PCDHA10: variants seen among roughly 807,000 people sequenced by gnomAD.
PCDHA10 encodes protocadherin alpha 10.
Under a neutral mutation model 61.2 loss-of-function variants are expected in PCDHA10, and 45 were observed. The observed-to-expected ratio is 0.74, with a 90% CI of 0.58 to 0.94. PCDHA10 has a LOEUF of 0.94. Among genes scored for constraint, PCDHA10 ranks in the 40% least tolerant of loss-of-function variants. PCDHA10 has a pLI of 0.00. For missense variants in PCDHA10, 1,278 were observed against 1,236.2 expected, an observed-to-expected ratio of 1.03 and a Z score of -0.51; for synonymous variants, 602 against 548.8, an observed-to-expected ratio of 1.10 and a Z score of -1.35.
chr5:140,955,677 G>A (rs989922322), intron 1 of PCDHA10, among the ~76,000 whole-genome samples: 6 of 151,960 alleles, frequency 3.9e-5, no homozygotes, highest in African/African-American at 1.2e-4. Context: ...TAGTTTTTTC[G>A]AAATCTGTGA....
At chr5:140,979,054 A>G (rs782082075) in intron 2 of PCDHA10, 47 bp downstream of exon 2, 6 of 1,607,592 alleles carry the variant, frequency 3.7e-6, no homozygotes, top group Non-Finnish European at 4.3e-6. Flanking sequence ...TTAACTTGGT[A>G]TGGCTCAGAT....
chr5:140,981,981 A>G (rs2096960839), intron 2 of PCDHA10, among the ~76,000 whole-genome samples: 1 of 152,208 alleles, frequency 6.6e-6, no homozygotes, highest in Non-Finnish European at 1.5e-5. Flanking sequence ...GAAAGAGTAA[A>G]ATAGAAAATA....
At chr5:140,913,384 C>T (rs1018271300) in intron 1 of PCDHA10, among the ~76,000 whole-genome samples, 1 of 152,144 alleles carries the variant, frequency 6.6e-6, no homozygotes, top group Non-Finnish European at 1.5e-5. Flanking sequence ...AGTGGCTCAT[C>T]ATAGCCACTA....
rs782638942 is a variant in PCDHA10, at chr5:140,876,442, G to T, written c.2388+18006G>T. The T allele has an allele frequency of 1.5e-5, 25 of 1,613,894 alleles. 1 individual carries two copies. The South Asian group carries it at 2.7e-4, about 18-fold the overall frequency. The stretch of plus-strand genomic sequence containing the variant: ...CTATGAAATTCAGGTTAACGCCATT[G>T]ATAAAGGGATTCCTTCCATGGCAGG... On this transcript the variant is annotated intron_variant, in intron 1 of 3. Coordinates refer to ENST00000307360, the MANE Select transcript of PCDHA10 (RefSeq NM_018901.4).
intron 1 of PCDHA10, among the ~76,000 whole-genome samples, chr5:140,919,697 A>G (rs1395748776): frequency 1.3e-5 from 2 of 152,188 alleles, no homozygotes; most frequent in Non-Finnish European, 2.9e-5. Flanking sequence ...GATTTATATT[A>G]ACTTAATTCT....
intron 1 of PCDHA10, chr5:140,862,359 CG>C: frequency 3.0e-6 from 1 of 337,856 alleles, no homozygotes; most frequent in Non-Finnish European, 5.8e-6. Flanking sequence ...AAGGGACAGA[CG>C]ACCCGCACCC....
chr5:140,929,992 C>T (rs1015837723), intron 1 of PCDHA10: 7 of 152,300 alleles, frequency 4.6e-5, no homozygotes, highest in East Asian at 1.9e-4. Flanking sequence ...TTGGGAATGA[C>T]ACCCTAAAAC....
intron 3 of PCDHA10, among the ~76,000 whole-genome samples, chr5:141,000,510 C>G (rs1197965439): frequency 5.6e-5 from 8 of 143,864 alleles, no homozygotes; most frequent in South Asian, 4.5e-4. Context: ...TCACTGCAAC[C>G]TCCTTCTCCA....
intron 1 of PCDHA10, among the ~76,000 whole-genome samples, chr5:140,903,398 T>C (rs1011557575): frequency 1.3e-5 from 2 of 152,204 alleles, no homozygotes; most frequent in Admixed American, 1.3e-4. Context: ...CTAGAAACAG[T>C]AGTGCAGTCA....
chr5:140,869,813 A>G, intron 1 of PCDHA10: 2 of 1,612,416 alleles, frequency 1.2e-6, no homozygotes, highest in Non-Finnish European at 1.7e-6. Context: ...GATGTCAACG[A>G]CAATGATCCA....
intron 1 of PCDHA10, chr5:140,877,432 C>T: frequency 6.2e-7 from 1 of 1,613,874 alleles, no homozygotes; most frequent in Non-Finnish European, 8.5e-7. Flanking sequence ...GGTGAAGGAC[C>T]ACGGTGAGCC....
Position 140,856,458 on chromosome 5 carries a change from A to G in PCDHA10, c.410A>G (p.Gln137Arg). ...DNPPRFSVTE[Q>R]KLSIPESRLL... is the part of the protein sequence containing the mutation. Reference sequence around the variant, plus strand: ...CCGCCCAGGTTCTCCGTAACAGAACAAAAGCTCTCAATACCTGAATCCAGA... The same window carrying G: ...CCGCCCAGGTTCTCCGTAACAGAACGAAAGCTCTCAATACCTGAATCCAGA... The change falls in exon 1 of 4, where the codon CAA (glutamine) becomes CGA (arginine). Residue 137 changes from glutamine to arginine, a missense_variant. Gln to Arg is a conservative substitution (Grantham distance 43). Coordinates refer to ENST00000307360, the MANE Select transcript of PCDHA10 (RefSeq NM_018901.4). The G allele has an allele frequency of 6.3e-7, 1 of 1,598,416 alleles. No homozygotes were observed. Among genetic ancestry groups the G allele is most frequent in the South Asian group, 1.1e-5 (1 of 90,530 alleles).
chr5:140,966,978 G>T lies in PCDHA10; in HGVS notation c.2389-11971G>T, dbSNP rs782662616. The stretch of plus-strand genomic sequence containing the variant: ...CGCGCGCTGGGGCTTGAGCTGCGGC[G>T]CTTGGGGCCGGGTTGCTTGCGCATC... On this transcript the variant is annotated intron_variant, in intron 1 of 3. Transcript: ENST00000307360. 3.1e-6 allele frequency: 5 copies of T among 1,603,218 alleles called. No homozygotes were observed. In the African/African-American group the frequency reaches 5.3e-5, roughly 17 times the overall value.
intron 1 of PCDHA10, chr5:140,876,440 T>G (rs369023443): frequency 3.7e-6 from 6 of 1,613,994 alleles, no homozygotes; most frequent in Admixed American, 1.7e-5. Flanking sequence ...GTTAACGCCA[T>G]TGATAAAGGG....
intron 1 of PCDHA10, among the ~76,000 whole-genome samples, chr5:140,926,146 G>T (rs553563976): frequency 6.6e-5 from 10 of 152,056 alleles, no homozygotes; most frequent in Non-Finnish European, 1.3e-4. Context: ...GATCCAGCGC[G>T]GAAAGCTCTG....
chr5:140,958,035 T>G (rs1284725890), intron 1 of PCDHA10, among the ~76,000 whole-genome samples: 2 of 152,120 alleles, frequency 1.3e-5, no homozygotes, highest in African/African-American at 4.8e-5. Context: ...ATGCTTTCTT[T>G]GCTTGTGATA....
intron 1 of PCDHA10, among the ~76,000 whole-genome samples, chr5:140,894,474 T>C (rs1333675195): frequency 6.6e-6 from 1 of 152,022 alleles, no homozygotes; most frequent in Non-Finnish European, 1.5e-5. Flanking sequence ...TTATTCTTGT[T>C]TTCATCTTAT....
chr5:140,866,967 C>T (rs1315852276), intron 1 of PCDHA10: 7 of 152,134 alleles, frequency 4.6e-5, no homozygotes, highest in African/African-American at 1.7e-4. Context: ...ATGGTGACAT[C>T]TGAAATATCA....
rs377029109 is a variant in PCDHA10, at chr5:141,002,346, C to G, written c.2537-7281C>G. On this transcript the variant is annotated intron_variant, in intron 3 of 3. Coordinates refer to ENST00000307360, the MANE Select transcript of PCDHA10 (RefSeq NM_018901.4). Reference sequence around the variant, plus strand: ...CGGGCTGCATCCGCACCCCTTCCCCCACCTCCACTCCTTTCAACTCATTCT... The same window carrying G: ...CGGGCTGCATCCGCACCCCTTCCCCGACCTCCACTCCTTTCAACTCATTCT... Among the ~76,000 whole-genome samples, 17 of 152,370 alleles carry G rather than the reference C, an allele frequency of 1.1e-4. No homozygotes were observed. The East Asian group carries it at 2.7e-3, about 24-fold the overall frequency.
Sources: allele counts gnomAD v4.1 joint callset (sites outside exome capture counted in the v4.1 genomes callset), GRCh38; gene constraint gnomAD v4.1.1; transcripts MANE v1.5; gene names NCBI Gene and HGNC (gene_info 2026-07-23, HGNC 2026-07-21).